The following RASGRF1 variants were observed in gnomAD, a reference collection of about 807,000 sequenced individuals.
RASGRF1 encodes ras-specific guanine nucleotide-releasing factor 1.
Under a neutral mutation model 138.7 loss-of-function variants are expected in RASGRF1, and 40 were observed. The ratio of observed to expected loss-of-function variants is 0.29; its 90% confidence interval spans 0.22 to 0.38. RASGRF1 has a LOEUF of 0.38. RASGRF1 is among the 10% of genes least tolerant of loss of function. RASGRF1 has a pLI of 1.00. For synonymous variants in RASGRF1, 614 were observed against 663.2 expected, an observed-to-expected ratio of 0.93 and a Z score of 1.14; for missense variants, 1,108 against 1,650.4, an observed-to-expected ratio of 0.67 and a Z score of 5.69.
At chr15:79,054,299 G>C (rs1290714599) in intron 3 of RASGRF1, among the ~76,000 whole-genome samples, 6 of 152,210 alleles carry the variant, frequency 3.9e-5, no homozygotes, top group Admixed American at 1.3e-4. Context: ...GGCAGGAAAG[G>C]CTGAGTGACA....
At chr15:78,988,646 G>A (rs2056208875) in intron 22 of RASGRF1, among the ~76,000 whole-genome samples, 2 of 152,194 alleles carry the variant, frequency 1.3e-5, no homozygotes, top group African/African-American at 4.8e-5. Flanking sequence ...GGCCAAGGTG[G>A]TCAGGGCAAG....
At chr15:79,037,522 G>A (rs1331152669) in intron 5 of RASGRF1, among the ~76,000 whole-genome samples, 3 of 151,848 alleles carry the variant, frequency 2.0e-5, no homozygotes, top group African/African-American at 4.8e-5. Flanking sequence ...GCCATGGCGC[G>A]ATCTCGGCTC....
At chr15:79,058,591 AG>A in intron 2 of RASGRF1, 110 bp from the exon 3 acceptor site, 1 of 1,381,106 alleles carries the variant, frequency 7.2e-7, no homozygotes, top group East Asian at 2.4e-5. Context: ...ACTTAGCAGA[AG>A]GCCCTGACTC....
intron 9 of RASGRF1, among the ~76,000 whole-genome samples, chr15:79,026,965 C>G (rs2057066348): frequency 6.6e-6 from 1 of 152,120 alleles, no homozygotes. Flanking sequence ...TACCCTTGTC[C>G]AAGGCAGCTG....
intron 26 of RASGRF1, among the ~76,000 whole-genome samples, chr15:78,971,218 A>G (rs1457147998): frequency 6.6e-6 from 1 of 152,208 alleles, no homozygotes; most frequent in Non-Finnish European, 1.5e-5. Flanking sequence ...GGATGTACAA[A>G]GTATTTCTTT....
intron 23 of RASGRF1, among the ~76,000 whole-genome samples, chr15:78,982,437 C>T (rs1048769810): frequency 3.3e-5 from 5 of 152,148 alleles, no homozygotes; most frequent in Admixed American, 2.0e-4. Flanking sequence ...AGAATTTTCT[C>T]AGCTGCTGCT....
intron 15 of RASGRF1, 92 bp downstream of exon 15, chr15:79,003,710 C>T: frequency 6.7e-7 from 1 of 1,485,998 alleles, no homozygotes; most frequent in Non-Finnish European, 8.9e-7. Context: ...CCCATGGGAG[C>T]AGGAAGAGCA....
intron 22 of RASGRF1, 23 bp from the exon 23 acceptor site, chr15:78,985,227 A>G (rs1200476464): frequency 1.3e-6 from 2 of 1,537,224 alleles, no homozygotes; most frequent in South Asian, 2.2e-5. Flanking sequence ...GCAATAAGAC[A>G]GGGAAAAAGA....
chr15:79,037,859 G>C (rs2057243537), intron 5 of RASGRF1, among the ~76,000 whole-genome samples: 1 of 151,950 alleles, frequency 6.6e-6, no homozygotes, highest in Non-Finnish European at 1.5e-5. Context: ...CCTGCAACTA[G>C]ATGGTCCCAT....
At position 79,048,992 on chromosome 15, in the gene RASGRF1, C is replaced by T. The variant is rs2057392393; in HGVS notation, c.624+504G>A. On this transcript the variant is annotated intron_variant, in intron 4 of 26. Coordinates refer to ENST00000558480, the MANE Select transcript of RASGRF1 (RefSeq NM_001145648.3). Reference sequence around the variant, plus strand: ...AGATCCTTGGTAGCTTCTGAGATGTCTGTCCCTCCTGAACTCTAATAGGGT... The same window carrying T: ...AGATCCTTGGTAGCTTCTGAGATGTTTGTCCCTCCTGAACTCTAATAGGGT... 2.6e-5 allele frequency among the ~76,000 whole-genome samples: 4 copies of T among 152,226 alleles called. No individual in the cohort carries two copies. In the South Asian group the frequency reaches 8.3e-4, roughly 32 times the overall value.
chr15:79,085,363 T>C (rs891106991), intron 1 of RASGRF1, among the ~76,000 whole-genome samples: 1 of 152,162 alleles, frequency 6.6e-6, no homozygotes, highest in South Asian at 2.1e-4. Flanking sequence ...GAGAGTGGGA[T>C]GGGTGGCTCT....
At chr15:79,087,900 C>CT (rs1459727750) in intron 1 of RASGRF1, among the ~76,000 whole-genome samples, 3 of 152,210 alleles carry the variant, frequency 2.0e-5, no homozygotes, top group African/African-American at 7.2e-5. Flanking sequence ...TCATCTGCTA[C>CT]TTTTAACCCG....
At chr15:79,049,413 C>T (rs903480792) in intron 4 of RASGRF1, 83 bp downstream of exon 4, 5 of 1,284,442 alleles carry the variant, frequency 3.9e-6, no homozygotes, top group African/African-American at 1.5e-5. Context: ...GACAGTGGGG[C>T]TGTGGTGTGG....
At chr15:79,035,332 G>T in intron 5 of RASGRF1, 122 bp from the exon 6 acceptor site, 1 of 726,998 alleles carries the variant, frequency 1.4e-6, no homozygotes, top group Non-Finnish European at 2.3e-6. Context: ...AGACCTTAAC[G>T]TGAAAACTGC....
At position 78,973,240 on chromosome 15, in the gene RASGRF1, C is replaced by G; in HGVS notation, c.3612+63G>C. On this transcript the variant is annotated intron_variant, in intron 25 of 26. Transcript: ENST00000558480. This position sits in a 1 kb window ranked among gnomAD's most constrained non-coding sequence, Gnocchi z 4.9. ...CCTTGGGGGGCAGAGTGTGGGTGGG[C>G]CCCAGGTTGAGTCATCTGGGCTTCA... 7.4e-7 allele frequency: 1 copy of G among 1,348,506 alleles called. No homozygotes were observed. Among genetic ancestry groups the G allele is most frequent in the Non-Finnish European group, 1.0e-6 (1 of 965,296 alleles). 83.5% of individuals were successfully genotyped at this position (1,348,506 alleles called of 1,614,324 possible).
chr15:78,991,183 C>A (rs28565526), intron 21 of RASGRF1, among the ~76,000 whole-genome samples: 2,335 of 152,312 alleles, frequency 0.015, 25 homozygotes, highest in Middle Eastern at 0.024. Flanking sequence ...TACAAATGCC[C>A]TTTTGGCATA....
chr15:79,087,338 G>C (rs1262028373), intron 1 of RASGRF1, among the ~76,000 whole-genome samples: 1 of 152,206 alleles, frequency 6.6e-6, no homozygotes, highest in African/African-American at 2.4e-5. Context: ...TGCATTTCCT[G>C]TGCATCTACT....
At chr15:79,026,868 C>CT (rs2057064449) in intron 9 of RASGRF1, among the ~76,000 whole-genome samples, 1 of 152,176 alleles carries the variant, frequency 6.6e-6, no homozygotes, top group East Asian at 1.9e-4. Context: ...AGGGCTGGCT[C>CT]TGAGCTCAGC....
chr15:79,004,316 G>C (rs749115042), intron 14 of RASGRF1, 141 bp from the exon 15 acceptor site: 27 of 1,130,196 alleles, frequency 2.4e-5, no homozygotes, highest in Middle Eastern at 6.0e-4. Context: ...TACTTGAGCT[G>C]ATCCTCTGAG....
Sources: allele counts gnomAD v4.1 joint callset (sites outside exome capture counted in the v4.1 genomes callset), GRCh38; gene constraint gnomAD v4.1.1; non-coding constraint Gnocchi (gnomAD v3.1); transcripts MANE v1.5; gene names NCBI Gene and HGNC (gene_info 2026-07-23, HGNC 2026-07-21).